The following B4GALNT2 variants were observed in gnomAD, a reference collection of about 807,000 sequenced individuals.
B4GALNT2 encodes beta-1,4-N-acetyl-galactosaminyltransferase 2 (SID blood group).
Under a neutral mutation model 51.1 loss-of-function variants are expected in B4GALNT2, and 42 were observed. The ratio of observed to expected loss-of-function variants is 0.82; its 90% CI spans 0.64 to 1.06. B4GALNT2 has a LOEUF of 1.06. Among genes scored for constraint, B4GALNT2 ranks in the 50% least tolerant of loss-of-function variants. The pLI, the probability that B4GALNT2 is intolerant of heterozygous loss-of-function variation, is 0.00. For synonymous variants in B4GALNT2, 253 were observed against 251.7 expected, an observed-to-expected ratio of 1.01 and a Z score of -0.05; for missense variants, 602 against 633.6, an observed-to-expected ratio of 0.95 and a Z score of 0.54.
At chr17:49,127,080 C>T in the B4GALNT2 span, among the ~76,000 whole-genome samples, 1 of 152,206 alleles carries the variant, frequency 6.6e-6, no homozygotes, top group Non-Finnish European at 1.5e-5. Flanking sequence ...TGATGTGCCT[C>T]AACTTGCTGA....
chr17:49,160,468 T>C (rs949383740), intron 6 of B4GALNT2, 87 bp from the exon 7 acceptor site: 9 of 1,239,316 alleles, frequency 7.3e-6, no homozygotes, highest in Non-Finnish European at 1.1e-5. Context: ...AAACCTGTAC[T>C]CGCCTGTCAT....
At chr17:49,133,374 C>T (rs931667746) in intron 1 of B4GALNT2, among the ~76,000 whole-genome samples, 4 of 152,066 alleles carry the variant, frequency 2.6e-5, no homozygotes, top group African/African-American at 7.2e-5. Context: ...TTGTGTGGCC[C>T]CGCGTGCTAA....
upstream of B4GALNT2, among the ~76,000 whole-genome samples, chr17:49,131,572 G>T (rs1176113435): frequency 6.7e-6 from 1 of 150,234 alleles, no homozygotes; most frequent in Non-Finnish European, 1.5e-5. Context: ...CCATGATCCC[G>T]GCTCACTGCA....
rs2144357386 is a variant in B4GALNT2 at position 49,175,993 on chromosome 17, CTCA to C, written c.*6270_*6272del. The C allele has an allele frequency of 6.6e-6, 1 of 152,364 alleles. No homozygotes were observed. The highest frequency in any genetic ancestry group is 2.4e-5 in the African/African-American group (1 of 41,576). The allele number at this position is 152,364 out of a possible 1,614,324, so 9.4% of individuals were successfully genotyped here. A position where few individuals can be genotyped will look rare whatever the true frequency, so the allele number is the denominator to read the frequency against. On this transcript the variant is annotated 3_prime_UTR_variant, in exon 11 of 11. Transcript: ENST00000393354. Reference sequence around the variant, plus strand: ...TTACTTTGTTATACTTTCCTTCCTTCTCATCATTAGTGTGAAAAGGTTCTAAGG... The same window carrying C: ...TTACTTTGTTATACTTTCCTTCCTTCTCATTAGTGTGAAAAGGTTCTAAGG...
At chr17:49,167,688 C>T (rs978458517) in intron 9 of B4GALNT2, among the ~76,000 whole-genome samples, 5 of 149,820 alleles carry the variant, frequency 3.3e-5, no homozygotes, top group Non-Finnish European at 7.4e-5. Flanking sequence ...TGGCTCACTG[C>T]AGCCTCTGTC....
intron 7 of B4GALNT2, among the ~76,000 whole-genome samples, chr17:49,162,686 A>T (rs986372660): frequency 6.6e-6 from 1 of 152,042 alleles, no homozygotes; most frequent in Non-Finnish European, 1.5e-5. Context: ...AGGTGAGCAG[A>T]TCACTTGAGG....
chr17:49,142,279 T>G, intron 3 of B4GALNT2, 107 bp downstream of exon 3: 3 of 1,392,622 alleles, frequency 2.2e-6, no homozygotes, highest in Non-Finnish European at 3.0e-6. Context: ...ATTCTCTCTC[T>G]TGCAAGGGTC....
rs372897714 is a variant in B4GALNT2 at position 49,168,844 on chromosome 17, C to T, written c.1259C>T (p.Thr420Met). Residue 420 changes from threonine (T) to methionine (M), a missense_variant, in exon 10 of 11, where the codon ACG becomes ATG. By Grantham distance (81) the Thr-to-Met change is moderately conservative (BLOSUM62 -1). Transcript: ENST00000393354. ...GTGGTCAACTTCTTCCTGGCCCACA[C>T]GGAGCGACTCCAAAGAGTTGGCTTT... ...SGVVNFFLAH[T>M]ERLQRVGFDP... 6.2e-6 allele frequency: 10 copies of T among 1,613,570 alleles called. No individual in the cohort carries two copies. Among genetic ancestry groups the T allele is most frequent in the Middle Eastern group, 1.8e-4 (1 of 5,588 alleles).
upstream of B4GALNT2, among the ~76,000 whole-genome samples, chr17:49,129,711 TGG>T (rs71369273): frequency 9.7e-6 from 1 of 103,172 alleles, no homozygotes; most frequent in Non-Finnish European, 2.2e-5. Context: ...TATTTCTGTG[TGG>T]GGGGGGAAGT....
chr17:49,152,059 T>G (rs1477980209), intron 3 of B4GALNT2, among the ~76,000 whole-genome samples: 1 of 152,090 alleles, frequency 6.6e-6, no homozygotes, highest in East Asian at 1.9e-4. Context: ...TCTTCTATGC[T>G]GGTCATGGTT....
Position 49,149,342 on chromosome 17 carries a change from T to C in B4GALNT2, c.354-3458T>C, listed in dbSNP as rs563008374. On this transcript the variant is annotated intron_variant, in intron 3 of 10. Transcript: ENST00000393354. ...TTACATTATATTTACATTATTTCCTTTTTCATTAAGACATGTATAAGGGCC... is the reference window on the plus strand; with the variant it reads ...TTACATTATATTTACATTATTTCCTCTTTCATTAAGACATGTATAAGGGCC... 2.0e-4 allele frequency among the ~76,000 whole-genome samples: 31 copies of C among 152,120 alleles called. 1 individual carries two copies. The Middle Eastern group carries it at 0.01, about 50-fold the overall frequency.
At chr17:49,168,949 G>T (rs2144346253) in intron 10 of B4GALNT2, 49 bp downstream of exon 10, 1 of 1,556,904 alleles carries the variant, frequency 6.4e-7, no homozygotes, top group Admixed American at 1.8e-5. Context: ...GGAATTAGCT[G>T]CAGAAGTTTG....
chr17:49,131,118 G>A (rs1445060885), upstream of B4GALNT2, among the ~76,000 whole-genome samples: 1 of 152,174 alleles, frequency 6.6e-6, no homozygotes, highest in Non-Finnish European at 1.5e-5. Flanking sequence ...TCTGAGAAGT[G>A]CCTGACAGTG....
At position 49,164,178 on chromosome 17, in the gene B4GALNT2, A is replaced by T. The variant is rs371960880; in HGVS notation, c.857A>T (p.Tyr286Phe). 6.2e-7 allele frequency: 1 copy of T among 1,613,836 alleles called. No individual in the cohort carries two copies. The highest frequency in any genetic ancestry group is 8.5e-7 in the Non-Finnish European group (1 of 1,179,808). Residue 286 changes from tyrosine (Y) to phenylalanine (F), a missense_variant, in exon 8 of 11, where the codon TAT (tyrosine) becomes TTT (phenylalanine). Tyr to Phe is a conservative substitution (Grantham distance 22, BLOSUM62 3). Coordinates refer to ENST00000393354, the MANE Select transcript of B4GALNT2 (RefSeq NM_001159387.2). ...LMIMLRSIRE[Y>F]YPDLTVIVAD... Reference sequence around the variant, plus strand: ...ATCATGCTCCGGAGTATTCGAGAGTATTACCCAGACTTGACCGTAATAGTG... The same window carrying T: ...ATCATGCTCCGGAGTATTCGAGAGTTTTACCCAGACTTGACCGTAATAGTG...
At chr17:49,160,932 A>G (rs2042858397) in intron 7 of B4GALNT2, among the ~76,000 whole-genome samples, 1 of 152,186 alleles carries the variant, frequency 6.6e-6, no homozygotes, top group South Asian at 2.1e-4. Flanking sequence ...ATCAAATTGG[A>G]AATCCTGATA....
Position 49,159,065 on chromosome 17 carries a change from T to C in B4GALNT2, c.527T>C (p.Leu176Pro), listed in dbSNP as rs773292459. ...ACCCTGACAGCTTCTCTGGGGACAC[T>C]GAACACCCTTGCTGATGTCCCAGAC... ...EVTLTASLGT[L>P]NTLADVPDSV... is the part of the protein sequence containing the mutation. The change falls in exon 6 of 11, where the codon CTG becomes CCG. Residue 176 changes from leucine (L) to proline (P), a missense_variant. Transcript: ENST00000393354. 3 of 1,614,214 alleles carry C rather than the reference T, an allele frequency of 1.9e-6. No individual in the cohort carries two copies. The highest frequency in any genetic ancestry group is 1.6e-4 in the Middle Eastern group (1 of 6,062).
chr17:49,160,449 C>G (rs2042852697), intron 6 of B4GALNT2, 106 bp from the exon 7 acceptor site: 3 of 1,055,136 alleles, frequency 2.8e-6, no homozygotes, highest in Admixed American at 3.4e-5. Context: ...AACCAGGACT[C>G]TCCCCACCAA....
chr17:49,143,616 C>G (rs1220083080), intron 3 of B4GALNT2, among the ~76,000 whole-genome samples: 1 of 152,226 alleles, frequency 6.6e-6, no homozygotes, highest in Non-Finnish European at 1.5e-5. Flanking sequence ...ACTTTTGAAG[C>G]TAGCCACTGT....
At chr17:49,127,953 C>T (rs986186895), upstream of B4GALNT2, among the ~76,000 whole-genome samples, 1 of 152,142 alleles carries the variant, frequency 6.6e-6, no homozygotes, top group African/African-American at 2.4e-5. Flanking sequence ...GGGAGAAAAC[C>T]TTTCCTAGGA....
Sources: allele counts gnomAD v4.1 joint callset (sites outside exome capture counted in the v4.1 genomes callset), GRCh38; gene constraint gnomAD v4.1.1; transcripts MANE v1.5; gene names NCBI Gene and HGNC (gene_info 2026-07-23, HGNC 2026-07-21).